TMCC3: variants seen among roughly 807,000 people sequenced by gnomAD.
TMCC3 encodes transmembrane and coiled-coil domain protein 3.
TMCC3 carries 28 observed loss-of-function variants against 40.2 expected under a neutral mutation model. That is an observed-to-expected ratio of 0.70 (90% confidence interval 0.52 to 0.95). The LOEUF (loss-of-function observed/expected upper bound fraction) is 0.95. TMCC3 is among the 40% of genes least tolerant of loss of function. TMCC3 has a pLI of 0.00. For synonymous variants in TMCC3, 255 were observed against 248.5 expected, an observed-to-expected ratio of 1.03 and a Z score of -0.25; for missense variants, 554 against 615.2, an observed-to-expected ratio of 0.90 and a Z score of 1.05.
intron 1 of TMCC3, among the ~76,000 whole-genome samples, chr12:94,605,742 C>T (rs4761639): frequency 0.22 from 32,854 of 152,056 alleles, 4,351 homozygotes; most frequent in African/African-American, 0.35. Context: ...TTTTCACCTA[C>T]GATGAACAAA....
chr12:94,618,739 C>T (rs1475949574), intron 1 of TMCC3, among the ~76,000 whole-genome samples: 1 of 152,128 alleles, frequency 6.6e-6, no homozygotes, highest in Non-Finnish European at 1.5e-5. Context: ...CTGGGTGGTT[C>T]CCATTAAACA....
chr12:94,613,600 A>T (rs1238228809), intron 1 of TMCC3, among the ~76,000 whole-genome samples: 1 of 152,136 alleles, frequency 6.6e-6, no homozygotes, highest in African/African-American at 2.4e-5. Flanking sequence ...AAAGAGAAAA[A>T]TCTTGAGAAT....
chr12:94,617,696 C>T (rs1044963014), intron 1 of TMCC3, among the ~76,000 whole-genome samples: 2 of 152,164 alleles, frequency 1.3e-5, no homozygotes, highest in African/African-American at 4.8e-5. Flanking sequence ...GGGTTTCCTG[C>T]TTTTGACATT....
chr12:94,636,298 T>TA (rs1041306838), intron 1 of TMCC3, among the ~76,000 whole-genome samples: 15 of 152,170 alleles, frequency 9.9e-5, no homozygotes, highest in African/African-American at 3.6e-4. Context: ...TGTGGGCTTT[T>TA]AAAAAATCTC....
At chr12:94,631,006 G>T (rs1202486706) in intron 1 of TMCC3, among the ~76,000 whole-genome samples, 2 of 152,200 alleles carry the variant, frequency 1.3e-5, no homozygotes, top group Admixed American at 1.3e-4. Flanking sequence ...CCCTTCCAAA[G>T]TGCTGGGATT....
At position 94,581,703 on chromosome 12, in the gene TMCC3, G is replaced by C; in HGVS notation, c.914C>G (p.Ala305Gly). 8.1e-6 allele frequency: 13 copies of C among 1,614,196 alleles called. No individual in the cohort carries two copies. Among genetic ancestry groups the C allele is most frequent in the Non-Finnish European group, 1.1e-5 (13 of 1,180,008 alleles). The change falls in exon 2 of 4, where the codon GCT (alanine) becomes GGT (glycine). Residue 305 changes from alanine (A) to glycine (G), a missense_variant. Transcript: ENST00000261226. The part of the protein sequence containing the change: ...REIKDTQAQL[A>G]EDIEALKVQF... ...CACCTTCAGTGCCTCGATGTCCTCA[G>C]CCAGCTGAGCTTGGGTATCCTTGAT...
At chr12:94,585,278 AATAT>A (rs1349208820) in intron 1 of TMCC3, among the ~76,000 whole-genome samples, 1 of 152,172 alleles carries the variant, frequency 6.6e-6, no homozygotes. Context: ...ACCCCTTAAG[AATAT>A]CTTACAACCT....
intron 1 of TMCC3, among the ~76,000 whole-genome samples, chr12:94,609,604 A>G (rs2068803304): frequency 6.6e-6 from 1 of 152,214 alleles, no homozygotes; most frequent in South Asian, 2.1e-4. Flanking sequence ...TGCTATTTTC[A>G]TATTATTTTC....
At chr12:94,589,956 T>A (rs1273292231) in intron 1 of TMCC3, among the ~76,000 whole-genome samples, 1 of 152,172 alleles carries the variant, frequency 6.6e-6, no homozygotes, top group Non-Finnish European at 1.5e-5. Flanking sequence ...AACATGGTCA[T>A]CCATTGCATG....
intron 3 of TMCC3, among the ~76,000 whole-genome samples, chr12:94,576,883 A>G (rs1220576428): frequency 6.6e-6 from 1 of 152,060 alleles, no homozygotes; most frequent in African/African-American, 2.4e-5. Flanking sequence ...TATTGATCCC[A>G]TTATCCTTTC....
rs2068522778 is a variant in TMCC3, at chr12:94,570,851, A to C, written c.*584T>G. 1 of 152,882 alleles carries C rather than the reference A, an allele frequency of 6.5e-6. No homozygotes were observed. Among genetic ancestry groups the C allele is most frequent in the Non-Finnish European group, 1.5e-5 (1 of 68,272 alleles). The allele number at this position is 152,882 out of a possible 1,614,324, so 9.5% of individuals were successfully genotyped here. A position where few individuals can be genotyped will look rare whatever the true frequency, so the allele number is the denominator to read the frequency against. ...CCCTCAGGTAGACTTGTTGGATAAC[A>C]GGTGTGTGATAAGATTTCCACGTTA... On this transcript the variant is annotated 3_prime_UTR_variant, in exon 4 of 4. Transcript: ENST00000261226.
rs530466050 is a variant in TMCC3 at position 94,607,018 on chromosome 12, T to C, written c.79-24480A>G. 2.6e-5 allele frequency among the ~76,000 whole-genome samples: 4 copies of C among 152,264 alleles called. No individual in the cohort carries two copies. In the South Asian group the frequency reaches 8.3e-4, roughly 32 times the overall value. ...AGGTGTATTTCAGTCCTTATCTAAATTGCATAAGACAGACACTCCCAGAGT... is the reference window on the plus strand; with the variant it reads ...AGGTGTATTTCAGTCCTTATCTAAACTGCATAAGACAGACACTCCCAGAGT... On this transcript the variant is annotated intron_variant, in intron 1 of 3. Transcript: ENST00000261226.
At chr12:94,595,389 G>A (rs2068709638) in intron 1 of TMCC3, among the ~76,000 whole-genome samples, 2 of 152,112 alleles carry the variant, frequency 1.3e-5, no homozygotes, top group African/African-American at 4.8e-5. Context: ...CCCATTCCTA[G>A]AGCATCCAGA....
In TMCC3 at chr12:94,594,198, A is replaced by AATATATATATATATATATATAT. The variant is rs59083165; in HGVS notation, c.79-11661_79-11660insATATATATATATATATATATAT. Among the ~76,000 whole-genome samples the AATATATATATATATATATATAT allele has an allele frequency of 8.6e-4, 125 of 145,436 alleles. 1 individual carries two copies. Among genetic ancestry groups the AATATATATATATATATATATAT allele is most frequent in the African/African-American group, 3.1e-3 (117 of 37,444 alleles). ...CTAAGAACCATGCCTTTTAAATTTA[A>AATATATATATATATATATATAT]ATATATATATATATATATACACACA... is the stretch of plus-strand genomic sequence containing the variant. On this transcript the variant is annotated intron_variant, in intron 1 of 3. Coordinates refer to ENST00000261226, the MANE Select transcript of TMCC3 (RefSeq NM_020698.4).
At chr12:94,617,607 T>C (rs983841468) in intron 1 of TMCC3, among the ~76,000 whole-genome samples, 2 of 152,238 alleles carry the variant, frequency 1.3e-5, no homozygotes, top group African/African-American at 4.8e-5. Context: ...TTGACCATAT[T>C]TGTAGGCACA....
At chr12:94,583,099 T>A (rs1161687728) in intron 1 of TMCC3, among the ~76,000 whole-genome samples, 1 of 146,228 alleles carries the variant, frequency 6.8e-6, no homozygotes, top group Non-Finnish European at 1.5e-5. Context: ...TGTGATAGAA[T>A]AATATGGTAC....
intron 1 of TMCC3, among the ~76,000 whole-genome samples, chr12:94,601,629 A>G (rs1295268250): frequency 6.6e-6 from 1 of 151,074 alleles, no homozygotes; most frequent in Non-Finnish European, 1.5e-5. Context: ...GTTTGAGACC[A>G]GCCTGGCCAA....
intron 1 of TMCC3, among the ~76,000 whole-genome samples, chr12:94,625,057 G>A (rs1472050332): frequency 6.7e-6 from 1 of 148,988 alleles, no homozygotes; most frequent in African/African-American, 2.5e-5. Flanking sequence ...CAGGAGAATC[G>A]CTTGAATCCG....
At chr12:94,618,826 T>C (rs990173019) in intron 1 of TMCC3, among the ~76,000 whole-genome samples, 1 of 152,238 alleles carries the variant, frequency 6.6e-6, no homozygotes, top group Admixed American at 6.5e-5. Flanking sequence ...CCAAGATACC[T>C]TCCAGTTCTT....
Sources: allele counts gnomAD v4.1 joint callset (sites outside exome capture counted in the v4.1 genomes callset), GRCh38; gene constraint gnomAD v4.1.1; transcripts MANE v1.5; gene names NCBI Gene and HGNC (gene_info 2026-07-23, HGNC 2026-07-21).